Variants in BABAM2 observed in about 807,000 individuals in gnomAD.
The protein encoded by BABAM2 is BRISC and BRCA1 A complex member 2, also known as BRISC and BRCA1-A complex member 2.
In BABAM2, 31 loss-of-function variants were observed where a neutral mutation model predicts 54.7. The ratio of observed to expected loss-of-function variants is 0.57; its 90% CI spans 0.43 to 0.77. BABAM2 has a LOEUF of 0.77. Among genes scored for constraint, BABAM2 ranks in the 30% least tolerant of loss-of-function variants. BABAM2 has a pLI of 0.00. For missense variants in BABAM2, 364 were observed against 455.8 expected (o/e 0.80, Z 1.83); for synonymous variants, 167 against 162.9 (o/e 1.03, Z -0.19).
At chr2:27,961,804 C>T (rs1476743608) in intron 3 of BABAM2, among the ~76,000 whole-genome samples, 2 of 148,854 alleles carry the variant, frequency 1.3e-5, no homozygotes, top group African/African-American at 2.5e-5. Context: ...CATAGCTCAC[C>T]GTAACCTTGA....
chr2:27,894,393 G>T, intron 1 of BABAM2, 140 bp from the exon 2 acceptor site: 1 of 817,798 alleles, frequency 1.2e-6, no homozygotes, highest in Non-Finnish European at 1.9e-6. Context: ...GAGGATCATT[G>T]GAAGAGGCTG....
intron 2 of BABAM2, among the ~76,000 whole-genome samples, chr2:27,922,958 G>A (rs578181740): frequency 6.6e-6 from 1 of 152,124 alleles, no homozygotes; most frequent in African/African-American, 2.4e-5. Flanking sequence ...TTCTTTACTA[G>A]CTTTTTCATA....
At chr2:27,949,458 C>G (rs1042647095) in intron 3 of BABAM2, among the ~76,000 whole-genome samples, 3 of 151,302 alleles carry the variant, frequency 2.0e-5, no homozygotes, top group African/African-American at 7.3e-5. Context: ...CGCTTGAACC[C>G]GGGAGGCGGA....
intron 10 of BABAM2, among the ~76,000 whole-genome samples, chr2:28,296,033 CAGGAGGCAG>C (rs1687666459): frequency 6.6e-6 from 1 of 152,168 alleles, no homozygotes; most frequent in Non-Finnish European, 1.5e-5. Context: ...TGCCTGAACC[CAGGAGGCAG>C]AGGTTGCAGT....
At chr2:28,107,844 A>C (rs1667663054) in intron 6 of BABAM2, among the ~76,000 whole-genome samples, 1 of 152,192 alleles carries the variant, frequency 6.6e-6, no homozygotes, top group African/African-American at 2.4e-5. Flanking sequence ...GCATTAATAC[A>C]TGTTTGTTGA....
intron 6 of BABAM2, among the ~76,000 whole-genome samples, chr2:28,109,840 T>G (rs918590838): frequency 1.2e-4 from 19 of 152,230 alleles, no homozygotes; most frequent in Non-Finnish European, 2.1e-4. Flanking sequence ...CCATAGGTGC[T>G]TATTCTCTTT....
At chr2:28,017,521 T>C (rs1466651552) in intron 4 of BABAM2, among the ~76,000 whole-genome samples, 1 of 152,212 alleles carries the variant, frequency 6.6e-6, no homozygotes, top group Non-Finnish European at 1.5e-5. Flanking sequence ...ACAGCTTTAT[T>C]GAGATCTAAT....
intron 11 of BABAM2, among the ~76,000 whole-genome samples, chr2:28,315,072 G>T (rs1356768350): frequency 7.2e-6 from 1 of 138,520 alleles, no homozygotes; most frequent in African/African-American, 2.6e-5. Context: ...GGAAAGGGGG[G>T]AGGGAAGGAA....
At chr2:28,208,914 C>T (rs764978165) in intron 7 of BABAM2, among the ~76,000 whole-genome samples, 5 of 152,050 alleles carry the variant, frequency 3.3e-5, no homozygotes, top group Non-Finnish European at 7.4e-5. Context: ...TTCTTTGTTC[C>T]TTGGTGCCCT....
intron 7 of BABAM2, among the ~76,000 whole-genome samples, chr2:28,176,382 C>T (rs902786852): frequency 6.6e-6 from 1 of 151,462 alleles, no homozygotes; most frequent in Non-Finnish European, 1.5e-5. Flanking sequence ...CCAGCCTGGC[C>T]AACATGGCAA....
At chr2:28,075,249 G>A (rs1664546511) in intron 6 of BABAM2, among the ~76,000 whole-genome samples, 1 of 152,186 alleles carries the variant, frequency 6.6e-6, no homozygotes, top group Admixed American at 6.5e-5. Flanking sequence ...ACACACAACT[G>A]TCTGGATTGG....
At chr2:27,931,655 T>G (rs1227001557) in intron 3 of BABAM2, among the ~76,000 whole-genome samples, 1 of 152,190 alleles carries the variant, frequency 6.6e-6, no homozygotes, top group Non-Finnish European at 1.5e-5. Context: ...ATTACACAGT[T>G]AATGAATAAC....
At chr2:28,221,318 G>A (rs896619541) in intron 7 of BABAM2, among the ~76,000 whole-genome samples, 4 of 152,208 alleles carry the variant, frequency 2.6e-5, no homozygotes, top group Middle Eastern at 3.2e-3. Context: ...CCTTGGGACA[G>A]TGGGCCTCAA....
At chr2:27,933,114 G>T (rs929139703) in intron 3 of BABAM2, among the ~76,000 whole-genome samples, 1 of 152,318 alleles carries the variant, frequency 6.6e-6, no homozygotes, top group East Asian at 1.9e-4. Context: ...ATGTTAGGAA[G>T]CATTTGCTGT....
intron 7 of BABAM2, among the ~76,000 whole-genome samples, chr2:28,230,089 T>A (rs1968000): frequency 3.3e-5 from 5 of 151,712 alleles, no homozygotes; most frequent in South Asian, 2.1e-4. Flanking sequence ...CACAGAGTCC[T>A]TACTTACAGC....
intron 7 of BABAM2, among the ~76,000 whole-genome samples, chr2:28,226,168 G>A (rs369725957): frequency 1.3e-5 from 2 of 152,264 alleles, no homozygotes; most frequent in East Asian, 3.9e-4. Context: ...CATATTATCT[G>A]CGGCTGCCTT....
intron 6 of BABAM2, among the ~76,000 whole-genome samples, chr2:28,072,897 A>C (rs1008413935): frequency 6.6e-6 from 1 of 152,238 alleles, no homozygotes; most frequent in African/African-American, 2.4e-5. Flanking sequence ...AATAATTATC[A>C]CAAGGTTAAT....
chr2:27,944,382 C>T (rs115437518), intron 3 of BABAM2, among the ~76,000 whole-genome samples: 37 of 152,252 alleles, frequency 2.4e-4, no homozygotes, highest in African/African-American at 7.7e-4. Context: ...CCACACAAAT[C>T]GGTCCCCTCC....
intron 7 of BABAM2, among the ~76,000 whole-genome samples, chr2:28,155,915 C>T (rs897169984): frequency 3.3e-5 from 5 of 152,030 alleles, no homozygotes; most frequent in Admixed American, 6.6e-5. Context: ...GTTGCATACA[C>T]GGATAATTCA....
Sources: gnomAD v4.1 joint callset for allele counts (sites outside exome capture counted in the v4.1 genomes callset) on GRCh38, gnomAD v4.1.1 for gene constraint, MANE v1.5 for transcripts, NCBI Gene and HGNC (gene_info 2026-07-23, HGNC 2026-07-21) for gene names.